Variants in PCLO observed in about 807,000 individuals in gnomAD.
PCLO encodes the protein protein piccolo.
A neutral mutation model predicts 427.5 loss-of-function variants in PCLO; 82 were observed. The ratio of observed to expected loss-of-function variants is 0.19; its 90% CI spans 0.16 to 0.23. PCLO has a LOEUF of 0.23. Ranked by LOEUF, PCLO falls within the 10% of genes least tolerant of loss-of-function variation. The pLI is 1.00. For synonymous variants in PCLO, 2,357 were observed against 2,155.4 expected, an observed-to-expected ratio of 1.09 and a Z score of -2.59; for missense variants, 6,239 against 6,115.9, an observed-to-expected ratio of 1.02 and a Z score of -0.67.
chr7:83,135,251 C>G lies in PCLO; in HGVS notation c.2299G>C (p.Val767Leu). ...TTTGTTGTTGCTGATGATGAAGATACAAGGTCAGTGGTTGGCTTTACCATC... is the reference window on the plus strand; with the variant it reads ...TTTGTTGTTGCTGATGATGAAGATAGAAGGTCAGTGGTTGGCTTTACCATC... ...PKMVKPTTDL[V>L]SSSSATTKPD... The change falls in exon 3 of 25, where the codon GTA becomes CTA. Residue 767 changes from valine (V) to leucine (L), a missense_variant. Val to Leu is a conservative substitution (Grantham distance 32). Around this residue, in one of 5 missense-constraint regions of PCLO, gnomAD observed 4,677 missense variants for 4,468.4 expected, o/e 1.05. Transcript: ENST00000333891. 1 of 1,613,844 alleles carries G rather than the reference C, an allele frequency of 6.2e-7. No individual in the cohort carries two copies. Among genetic ancestry groups the G allele is most frequent in the Non-Finnish European group, 8.5e-7 (1 of 1,179,862 alleles).
chr7:82,947,435 G>A (rs1336720338), intron 6 of PCLO, among the ~76,000 whole-genome samples: 2 of 152,068 alleles, frequency 1.3e-5, no homozygotes, highest in Admixed American at 1.3e-4. Flanking sequence ...TTAATACTTA[G>A]TAATTCACAC....
intron 10 of PCLO, among the ~76,000 whole-genome samples, chr7:82,868,408 T>G (rs576273148): frequency 6.6e-6 from 1 of 152,304 alleles, no homozygotes; most frequent in African/African-American, 2.4e-5. Flanking sequence ...TCATCCTTAC[T>G]TCAATCCCTG....
At chr7:83,047,280 A>T (rs1223697420) in intron 3 of PCLO, among the ~76,000 whole-genome samples, 2 of 152,020 alleles carry the variant, frequency 1.3e-5, no homozygotes, top group Non-Finnish European at 2.9e-5. Context: ...TCTACCTACA[A>T]ATGAATATAT....
chr7:83,042,974 G>A (rs1293484991), intron 3 of PCLO, among the ~76,000 whole-genome samples: 2 of 152,164 alleles, frequency 1.3e-5, no homozygotes, highest in Admixed American at 1.3e-4. Flanking sequence ...TCTGCCCACT[G>A]AAGTTATTTC....
At chr7:82,847,864 C>T (rs1792545495) in intron 10 of PCLO, among the ~76,000 whole-genome samples, 1 of 152,062 alleles carries the variant, frequency 6.6e-6, no homozygotes, top group East Asian at 1.9e-4. Flanking sequence ...GTACAAGGCC[C>T]TGTGCTCAGA....
chr7:83,076,994 T>TAATAC (rs146081000), intron 3 of PCLO, among the ~76,000 whole-genome samples: 1 of 147,192 alleles, frequency 6.8e-6, no homozygotes, highest in Non-Finnish European at 1.5e-5. Context: ...ATTAAAAGTA[T>TAATAC]AATAATTTTA....
intron 9 of PCLO, among the ~76,000 whole-genome samples, chr7:82,891,796 T>C (rs1793773288): frequency 6.6e-6 from 1 of 152,158 alleles, no homozygotes; most frequent in African/African-American, 2.4e-5. Flanking sequence ...GAGATAATCA[T>C]GTGGTTTTTG....
intron 22 of PCLO, among the ~76,000 whole-genome samples, chr7:82,764,354 A>T (rs1048347201): frequency 3.3e-5 from 5 of 151,914 alleles, no homozygotes; most frequent in East Asian, 1.9e-4. Flanking sequence ...AAAGAAAATT[A>T]AAAAACCCAG....
intron 22 of PCLO, among the ~76,000 whole-genome samples, chr7:82,785,720 G>A (rs1013233734): frequency 1.3e-5 from 2 of 152,076 alleles, no homozygotes; most frequent in Non-Finnish European, 2.9e-5. Context: ...GGTCTCAAAG[G>A]ATGAAAAGGT....
intron 13 of PCLO, 117 bp downstream of exon 13, chr7:82,845,154 C>A (rs1454467473): frequency 1.4e-6 from 1 of 730,326 alleles, no homozygotes; most frequent in Non-Finnish European, 2.3e-6. Flanking sequence ...GATAGATCAT[C>A]TGGAAATGAG....
chr7:82,811,995 G>T (rs1791582078), intron 20 of PCLO, among the ~76,000 whole-genome samples: 1 of 151,274 alleles, frequency 6.6e-6, no homozygotes, highest in Non-Finnish European at 1.5e-5. Flanking sequence ...ATGGAATGTT[G>T]CAGGCTTTTT....
chr7:83,131,508 A>G (rs1791572321), intron 3 of PCLO, among the ~76,000 whole-genome samples: 1 of 152,170 alleles, frequency 6.6e-6, no homozygotes, highest in African/African-American at 2.4e-5. Flanking sequence ...AGAGGGGGCC[A>G]GGGTGGCACC....
intron 6 of PCLO, among the ~76,000 whole-genome samples, chr7:82,934,084 T>C (rs1373751347): frequency 2.0e-5 from 3 of 151,976 alleles, no homozygotes; most frequent in African/African-American, 2.4e-5. Context: ...TATTAAAATA[T>C]AACTTTTACA....
intron 20 of PCLO, chr7:82,821,613 ATT>A (rs962545091): frequency 6.2e-6 from 6 of 967,410 alleles, no homozygotes; most frequent in African/African-American, 1.8e-5. Context: ...AATCGACTAA[ATT>A]TTCACAAATG....
rs1408286395 is a variant in PCLO, at chr7:82,754,048, C to G, written c.*4527G>C. 1 of 152,118 alleles carries G rather than the reference C, an allele frequency of 6.6e-6. No individual in the cohort carries two copies. The highest frequency in any genetic ancestry group is 1.5e-5 in the Non-Finnish European group (1 of 68,014). 9.4% of individuals were successfully genotyped at this position (152,118 alleles called of 1,614,324 possible). A position where few individuals can be genotyped will look rare whatever the true frequency, so the allele number is the denominator to read the frequency against. ...GTATTTATTAGTAAGGCTGAGGCAA[C>G]AGCCTTTATACGGCACAGTTTACAT... On this transcript the variant is annotated 3_prime_UTR_variant, in exon 25 of 25. Coordinates refer to ENST00000333891, the MANE Select transcript of PCLO (RefSeq NM_033026.6).
chr7:83,074,489 G>C (rs115990156), intron 3 of PCLO, among the ~76,000 whole-genome samples: 2 of 149,910 alleles, frequency 1.3e-5, no homozygotes, highest in African/African-American at 4.9e-5. Context: ...AGGCTGCATG[G>C]ACACCTATGA....
rs529641530 is a variant in PCLO, at chr7:83,155,113, G to A, written c.1528C>T (p.Pro510Ser). The change falls in exon 2 of 25, where the codon CCA (proline) becomes TCA (serine). Residue 510 changes from proline (P) to serine (S), a missense_variant. Transcript: ENST00000333891. Reference protein sequence around the residue: ...PSQQPGSTKPPPQQPGPAKPS... With the variant: ...PSQQPGSTKPSPQQPGPAKPS... The stretch of plus-strand genomic sequence containing the variant: ...TTTGCTGGGCCAGGCTGTTGAGGTG[G>A]GGGTTTTGTTGAGCCAGGCTGTTGA... 75 of 1,540,740 alleles carry A rather than the reference G, an allele frequency of 4.9e-5. No individual in the cohort carries two copies. The South Asian group carries it at 8.2e-4, about 17-fold the overall frequency.
At chr7:82,911,647 G>A (rs796518841) in intron 7 of PCLO, among the ~76,000 whole-genome samples, 5 of 151,378 alleles carry the variant, frequency 3.3e-5, no homozygotes, top group East Asian at 1.9e-4. Flanking sequence ...TTTTTGAGAC[G>A]AAGTCTCACT....
intron 3 of PCLO, among the ~76,000 whole-genome samples, chr7:83,057,233 C>A (rs1458769034): frequency 7.3e-6 from 1 of 136,678 alleles, no homozygotes; most frequent in Non-Finnish European, 1.5e-5. Context: ...CTAGTAGAGA[C>A]AGGGGTCTCA....
Sources: allele counts gnomAD v4.1 joint callset (sites outside exome capture counted in the v4.1 genomes callset), GRCh38; gene constraint gnomAD v4.1.1; regional missense constraint gnomAD v4.1.1; transcripts MANE v1.5; gene names NCBI Gene and HGNC (gene_info 2026-07-23, HGNC 2026-07-21).